RASSF1: variants seen among roughly 807,000 people sequenced by gnomAD.
RASSF1 encodes the protein Ras association domain family member 1.
A neutral mutation model predicts 34.3 loss-of-function variants in RASSF1; 33 were observed. That is an observed-to-expected ratio of 0.96 (90% confidence interval 0.73 to 1.29). The LOEUF is 1.29. Among genes scored for constraint, RASSF1 ranks in the 50% most tolerant of loss-of-function variants. The probability of loss-of-function intolerance (pLI) is 0.00; values close to 1 mark genes in which losing one functional copy is unlikely to be tolerated. For missense variants in RASSF1, 445 were observed against 471.8 expected, an observed-to-expected ratio of 0.94 and a Z score of 0.53; for synonymous variants, 191 against 195.0, an observed-to-expected ratio of 0.98 and a Z score of 0.17.
rs746575562 is a variant in RASSF1 at position 50,340,596 on chromosome 3, G to A, written c.210C>T (p.Asp70=). The A allele has an allele frequency of 6.5e-7, 1 of 1,548,154 alleles. No individual in the cohort carries two copies. The highest frequency in any genetic ancestry group is 8.6e-7 in the Non-Finnish European group (1 of 1,157,534). Reference sequence around the variant, plus strand: ...CTTTGCGCACGACGCCCCAGATGAAGTCGCCACAGAGGTCGCACCACGTGT... The same window carrying A: ...CTTTGCGCACGACGCCCCAGATGAAATCGCCACAGAGGTCGCACCACGTGT... ...ATHTWCDLCG[D]FIWGVVRKGL... Residue 70 remains aspartate (D), a synonymous_variant, in exon 1 of 6, where the codon GAC becomes GAT. Coordinates refer to ENST00000359365, the MANE Select transcript of RASSF1 (RefSeq NM_007182.5).
intron 1 of RASSF1, among the ~76,000 whole-genome samples, chr3:50,338,620 T>C (rs1703253204): frequency 6.6e-6 from 1 of 152,154 alleles, no homozygotes; most frequent in African/African-American, 2.4e-5. Context: ...GCCCATTTAC[T>C]TGAAGGAAAA....
chr3:50,330,654 C>A lies in RASSF1; in HGVS notation c.950G>T (p.Arg317Leu). The A allele has an allele frequency of 2.5e-6, 4 of 1,614,004 alleles. No individual in the cohort carries two copies. Among genetic ancestry groups the A allele is most frequent in the Non-Finnish European group, 2.5e-6 (3 of 1,179,914 alleles). ...ILQREEEEHL[R>L]QILQKYSYCR... is the part of the protein sequence containing the mutation. The stretch of plus-strand genomic sequence containing the variant: ...ATAGGAGTACTTCTGCAGGATCTGG[C>A]GGAGGTGCTCCTCCTCCTCCCGCTG... Residue 317 changes from arginine to leucine, a missense_variant, in exon 6 of 6, where the codon CGC (arginine) becomes CTC (leucine). Arg to Leu is a moderately radical substitution (Grantham distance 102). Transcript: ENST00000359365. The surrounding 1 kb of genome is among the most constrained non-coding windows in gnomAD (Gnocchi z 4.5).
chr3:50,334,704 C>T (rs587637607), intron 2 of RASSF1, among the ~76,000 whole-genome samples: 1 of 152,314 alleles, frequency 6.6e-6, no homozygotes, highest in South Asian at 2.1e-4. Context: ...ATGCAGTGAC[C>T]TCATTTCCAG....
intron 2 of RASSF1, chr3:50,337,543 T>A (rs951629088): frequency 2.0e-6 from 3 of 1,493,282 alleles, no homozygotes; most frequent in Non-Finnish European, 2.7e-6. Context: ...AATGACCTCA[T>A]CGCTCCGGAG....
chr3:50,340,686 G>A lies in RASSF1; in HGVS notation c.120C>T (p.Cys40=). 1 of 1,532,928 alleles carries A rather than the reference G, an allele frequency of 6.5e-7. No homozygotes were observed. Among genetic ancestry groups the A allele is most frequent in the Admixed American group, 2.0e-5 (1 of 50,992 alleles). The allele number at this position is 1,532,928 out of a possible 1,614,324, so 95.0% of individuals were successfully genotyped here. A position where few individuals can be genotyped will look rare whatever the true frequency, so the allele number is the denominator to read the frequency against. Residue 40 remains cysteine, a synonymous_variant, in exon 1 of 6, where the codon TGC becomes TGT. Transcript: ENST00000359365. ...NALRIARGTA[C]NPTRQLVPGR... ...CAGGGACCAGCTGCCGTGTGGGGTT[G>A]CACGCGGTGCCCCGCGCGATGCGCA... is the stretch of plus-strand genomic sequence containing the variant.
Position 50,331,398 on chromosome 3 carries a change from A to AGGAGCC in RASSF1, c.806_811dup (p.Arg269_Leu270dup), listed in dbSNP as rs1269393397. Reference sequence around the variant, plus strand: ...CAGGGCCTTGTCACTGGGCCCTGCCAGGAGCCGCAGCCGCAGGGGCTGCTC... The same window carrying AGGAGCC: ...CAGGGCCTTGTCACTGGGCCCTGCCAGGAGCCGGAGCCGCAGCCGCAGGGGCTGCTC... On this transcript the variant is annotated inframe_insertion, in exon 5 of 6. Transcript: ENST00000359365. 6.2e-7 allele frequency: 1 copy of AGGAGCC among 1,606,588 alleles called. No individual in the cohort carries two copies.
At position 50,330,330 on chromosome 3, in the gene RASSF1, G is replaced by A; in HGVS notation, c.*251C>T. Reference sequence around the variant, plus strand: ...CTGCACCACTCCTGCTGCAGGCCTGGAGCAGCTTCTCAGGGCAGCCCTGGC... The same window carrying A: ...CTGCACCACTCCTGCTGCAGGCCTGAAGCAGCTTCTCAGGGCAGCCCTGGC... On this transcript the variant is annotated 3_prime_UTR_variant, in exon 6 of 6. Coordinates refer to ENST00000359365, the MANE Select transcript of RASSF1 (RefSeq NM_007182.5). The surrounding 1 kb of genome is among the most constrained non-coding windows in gnomAD (Gnocchi z 4.5). The A allele has an allele frequency of 2.1e-6, 1 of 469,242 alleles. No individual in the cohort carries two copies. The allele number at this position is 469,242 out of a possible 1,614,324, so 29.1% of individuals were successfully genotyped here. A position where few individuals can be genotyped will look rare whatever the true frequency, so the allele number is the denominator to read the frequency against.
intron 2 of RASSF1, among the ~76,000 whole-genome samples, chr3:50,332,706 C>T (rs143766152): frequency 1.8e-4 from 27 of 151,982 alleles, no homozygotes; most frequent in African/African-American, 5.8e-4. Context: ...GTGGGAGGAT[C>T]GTTTGAGCCC....
rs587739605 is a variant in RASSF1, at chr3:50,331,410, C to T, written c.800G>A (p.Arg267Gln). 15 of 1,605,122 alleles carry T rather than the reference C, an allele frequency of 9.3e-6. No homozygotes were observed. The highest frequency in any genetic ancestry group is 8.5e-5 in the Admixed American group (5 of 58,714). Residue 267 changes from arginine to glutamine, a missense_variant, in exon 5 of 6, where the codon CGG becomes CAG. Physicochemically the swap from Arg to Gln is conservative, Grantham distance 43. Transcript: ENST00000359365. ...RKLLDDEQPL[R>Q]LRLLAGPSDK... ...ACTGGGCCCTGCCAGGAGCCGCAGC[C>T]GCAGGGGCTGCTCATCATCCAACAG...
At position 50,329,840 on chromosome 3, in the gene RASSF1, T is replaced by G. The variant is rs1447480788; in HGVS notation, c.*741A>C. The G allele has an allele frequency of 1.3e-5, 2 of 152,610 alleles. No individual in the cohort carries two copies. Among genetic ancestry groups the G allele is most frequent in the African/African-American group, 4.8e-5 (2 of 41,446 alleles). 9.5% of individuals were successfully genotyped at this position (152,610 alleles called of 1,614,324 possible). ...TCTCTCAGGCCCCAGGCCCTGATGATGACTGTCACCCCAACCCCTTTCCCC... is the reference window on the plus strand; with the variant it reads ...TCTCTCAGGCCCCAGGCCCTGATGAGGACTGTCACCCCAACCCCTTTCCCC... On this transcript the variant is annotated 3_prime_UTR_variant, in exon 6 of 6. Transcript: ENST00000359365.
chr3:50,337,229 G>A lies in RASSF1; in HGVS notation c.357+676C>T, dbSNP rs370188647. 7.4e-6 allele frequency: 12 copies of A among 1,613,122 alleles called. No individual in the cohort carries two copies. The South Asian group carries it at 8.8e-5, about 12-fold the overall frequency. ...GTTCGCGCGGTGAAGTACTGCTCGA[G>A]CTCCGAGTCCGAGTCCTCTTGGCTG... On this transcript the variant is annotated intron_variant, in intron 2 of 5. Coordinates refer to ENST00000359365, the MANE Select transcript of RASSF1 (RefSeq NM_007182.5).
intron 1 of RASSF1, among the ~76,000 whole-genome samples, chr3:50,339,838 T>C (rs1296480035): frequency 6.6e-6 from 1 of 152,156 alleles, no homozygotes; most frequent in Non-Finnish European, 1.5e-5. Context: ...AGACTCCATG[T>C]TACAATAATT....
At chr3:50,331,992 A>T in intron 3 of RASSF1, 58 bp downstream of exon 3, 1 of 1,590,778 alleles carries the variant, frequency 6.3e-7, no homozygotes, top group South Asian at 1.1e-5. Context: ...TCTGAGTATC[A>T]GGCACATAGC....
At chr3:50,339,397 A>C (rs1575548859) in intron 1 of RASSF1, among the ~76,000 whole-genome samples, 12 of 110,686 alleles carry the variant, frequency 1.1e-4, no homozygotes, top group Admixed American at 3.7e-4. Flanking sequence ...ACAGAGTCTC[A>C]CTCTGTCGCC....
intron 2 of RASSF1, among the ~76,000 whole-genome samples, chr3:50,335,098 G>A (rs1188064212): frequency 1.3e-5 from 2 of 151,600 alleles, no homozygotes; most frequent in African/African-American, 2.4e-5. Context: ...ACAGGTGCCT[G>A]CCACCACAAC....
intron 1 of RASSF1, 44 bp from the exon 2 acceptor site, chr3:50,338,055 G>A: frequency 6.5e-7 from 1 of 1,545,310 alleles, no homozygotes; most frequent in Non-Finnish European, 8.8e-7. Flanking sequence ...TCCAGGTCGG[G>A]GAAATGTCCC....
chr3:50,340,761 G>T lies in RASSF1; in HGVS notation c.45C>A (p.Pro15=). ...PELIELRELA[P]AGRAGKGRTR... is the part of the protein sequence containing the mutation. ...TGCGGCCCTTCCCAGCGCGCCCAGC[G>T]GGTGCCAGCTCCCGCAGCTCAATGA... The change falls in exon 1 of 6, where the codon CCC becomes CCA. Residue 15 remains proline (P), a synonymous_variant. Transcript: ENST00000359365. 1 of 1,512,482 alleles carries T rather than the reference G, an allele frequency of 6.6e-7. No homozygotes were observed. Among genetic ancestry groups the T allele is most frequent in the Non-Finnish European group, 8.8e-7 (1 of 1,140,312 alleles). The allele number at this position is 1,512,482 out of a possible 1,614,324, so 93.7% of individuals were successfully genotyped here. A position where few individuals can be genotyped will look rare whatever the true frequency, so the allele number is the denominator to read the frequency against.
intron 5 of RASSF1, among the ~76,000 whole-genome samples, chr3:50,331,055 G>A (rs587655117): frequency 6.6e-6 from 1 of 152,186 alleles, no homozygotes; most frequent in Non-Finnish European, 1.5e-5. Context: ...TCTGAAGGGG[G>A]CCTCCTCATG....
In RASSF1 at chr3:50,331,734, GC is replaced by G; in HGVS notation, c.584del (p.Gly195AlafsTer85). 2.5e-6 allele frequency: 4 copies of G among 1,612,742 alleles called. No homozygotes were observed. Among genetic ancestry groups the G allele is most frequent in the Non-Finnish European group, 3.4e-6 (4 of 1,179,146 alleles). ...LQDARRGPGR[G>X]TSVRRRTSFY... ...AGGAAGTGCGGCGCCTGACACTTGT[GC>G]CCCGTCCTGGGCCCCGCCGGGCATC... On this transcript the variant is annotated frameshift_variant, in exon 4 of 6. Coordinates refer to ENST00000359365, the MANE Select transcript of RASSF1 (RefSeq NM_007182.5). LOFTEE classifies it high-confidence loss of function.
Sources: gnomAD v4.1 joint callset for allele counts (sites outside exome capture counted in the v4.1 genomes callset) on GRCh38, gnomAD v4.1.1 for gene constraint, Gnocchi (gnomAD v3.1) non-coding constraint, MANE v1.5 for transcripts, NCBI Gene and HGNC (gene_info 2026-07-23, HGNC 2026-07-21) for gene names.